The following EYS variants were observed in gnomAD, a reference collection of about 807,000 sequenced individuals.
The protein encoded by EYS is EGF-like photoreceptor maintenance factor, also known as protein eyes shut homolog.
A neutral mutation model predicts 282.1 loss-of-function variants in EYS; 250 were observed. The observed-to-expected ratio is 0.89, with a 90% CI of 0.80 to 0.98. The LOEUF (loss-of-function observed/expected upper bound fraction) is 0.98. Ranked by LOEUF, EYS falls within the 50% of genes least tolerant of loss-of-function variation. EYS has a pLI of 0.00. For missense variants in EYS, 4,016 were observed against 3,709.0 expected (o/e 1.08, Z -2.15); for synonymous variants, 1,355 against 1,282.9 (o/e 1.06, Z -1.20).
intron 2 of EYS, among the ~76,000 whole-genome samples, chr6:65,530,184 A>C (rs1767711827): frequency 6.6e-6 from 1 of 152,176 alleles, no homozygotes; most frequent in Non-Finnish European, 1.5e-5. Context: ...ACCATTTGTC[A>C]GTCAGTAATT....
At position 65,034,885 on chromosome 6, in the gene EYS, C is replaced by T. The variant is rs369136553; in HGVS notation, c.2137+22729G>A. On this transcript the variant is annotated intron_variant, in intron 13 of 42. Transcript: ENST00000503581. ...TATGAGGCCAGCATTATTCCTTTAC[C>T]GATACCTCACAAAGAAACAACAAAA... 3.0e-4 allele frequency among the ~76,000 whole-genome samples: 46 copies of T among 152,088 alleles called. 1 individual carries two copies. The highest frequency in any genetic ancestry group is 2.4e-3 in the Admixed American group (36 of 15,250).
chr6:65,594,534 A>G (rs1392661035), intron 2 of EYS, among the ~76,000 whole-genome samples: 1 of 152,036 alleles, frequency 6.6e-6, no homozygotes, highest in African/African-American at 2.4e-5. Flanking sequence ...CTTATTTAAT[A>G]TCTCTTAGCC....
At chr6:64,882,542 A>G (rs9354185) in intron 19 of EYS, among the ~76,000 whole-genome samples, 23,508 of 151,656 alleles carry the variant, frequency 0.16, 2,155 homozygotes, top group East Asian at 0.49. Flanking sequence ...TTGACAAAAA[A>G]AAATGATTAC....
At chr6:64,422,348 C>G (rs1193370645) in intron 28 of EYS, among the ~76,000 whole-genome samples, 2 of 152,118 alleles carry the variant, frequency 1.3e-5, no homozygotes, top group Non-Finnish European at 2.9e-5. Context: ...GGGATACAGA[C>G]AAGCCAAGGG....
rs535633433 is a variant in EYS, at chr6:65,107,261, T to C, written c.2024-49534A>G. Among the ~76,000 whole-genome samples the C allele has an allele frequency of 5.9e-5, 9 of 151,666 alleles. No homozygotes were observed. In the South Asian group the frequency reaches 1.9e-3, roughly 32 times the overall value. The stretch of plus-strand genomic sequence containing the variant: ...CCTTGGGAGTCAGATAAGGCCTTTG[T>C]CTTCAGCTTCAAATCTTCAAGAGTC... On this transcript the variant is annotated intron_variant, in intron 12 of 42. Transcript: ENST00000503581.
chr6:64,513,748 G>C (rs890495587), intron 26 of EYS, among the ~76,000 whole-genome samples: 2 of 151,812 alleles, frequency 1.3e-5, no homozygotes, highest in African/African-American at 2.4e-5. Context: ...ATTATAATTA[G>C]TGTAAAATTT....
chr6:65,476,487 T>C (rs1435942883), intron 5 of EYS, among the ~76,000 whole-genome samples: 1 of 152,190 alleles, frequency 6.6e-6, no homozygotes, highest in Non-Finnish European at 1.5e-5. Context: ...TTCTCCTGAA[T>C]TGTGGCATAA....
At chr6:65,151,846 T>C (rs1410946306) in intron 12 of EYS, among the ~76,000 whole-genome samples, 1 of 151,964 alleles carries the variant, frequency 6.6e-6, no homozygotes, top group African/African-American at 2.4e-5. Flanking sequence ...CAGGAAAATA[T>C]TTCCAGTGTT....
chr6:64,080,095 G>T (rs867400077), intron 32 of EYS, among the ~76,000 whole-genome samples: 20 of 152,268 alleles, frequency 1.3e-4, no homozygotes, highest in South Asian at 6.2e-4. Context: ...TAATGGGATG[G>T]CTGGGTCAAA....
chr6:64,359,139 A>G (rs1771925552), intron 29 of EYS, among the ~76,000 whole-genome samples: 1 of 151,694 alleles, frequency 6.6e-6, no homozygotes, highest in Non-Finnish European at 1.5e-5. Context: ...TTTTCTCAAC[A>G]AGAGCATTAA....
At chr6:64,490,647 CAATAAAATGTGT>C (rs996067087) in intron 26 of EYS, among the ~76,000 whole-genome samples, 1 of 150,502 alleles carries the variant, frequency 6.6e-6, no homozygotes, top group Non-Finnish European at 1.5e-5. Flanking sequence ...CAACGCAGTG[CAATAAAATGTGT>C]AGTATTACAA....
At chr6:64,696,705 T>A (rs142595022) in intron 22 of EYS, among the ~76,000 whole-genome samples, 123 of 152,184 alleles carry the variant, frequency 8.1e-4, no homozygotes, top group African/African-American at 2.8e-3. Context: ...TTCAAAGTGC[T>A]TAAAGAAAAA....
At chr6:64,299,889 C>T (rs993437660) in intron 30 of EYS, among the ~76,000 whole-genome samples, 1 of 152,122 alleles carries the variant, frequency 6.6e-6, no homozygotes, top group Non-Finnish European at 1.5e-5. Context: ...CCATTATACA[C>T]AGAAGAGCCT....
chr6:65,199,585 T>C (rs1209256660), intron 12 of EYS, among the ~76,000 whole-genome samples: 1 of 152,126 alleles, frequency 6.6e-6, no homozygotes, highest in Non-Finnish European at 1.5e-5. Context: ...AGAGTGTCTA[T>C]CATAGCAAAT....
At chr6:64,857,078 T>C (rs578107901) in intron 19 of EYS, among the ~76,000 whole-genome samples, 71 of 152,328 alleles carry the variant, frequency 4.7e-4, no homozygotes, top group African/African-American at 1.6e-3. Flanking sequence ...AAATGATCAG[T>C]TGACTATATT....
Position 64,950,817 on chromosome 6 carries a change from ATATATATATATATATATT to A in EYS, c.2260-4921_2260-4904del, listed in dbSNP as rs1449622159. On this transcript the variant is annotated intron_variant, in intron 14 of 42. Transcript: ENST00000503581. ...CATATACATATATATATATATATAT[ATATATATATATATATATT>A]GTTGAATTGTTACAAGAACAACTGA... Among the ~76,000 whole-genome samples, 767 of 113,824 alleles carry A rather than the reference ATATATATATATATATATT, an allele frequency of 6.7e-3. 26 individuals are homozygous for A. Among genetic ancestry groups the A allele is most frequent in the African/African-American group, 0.021 (716 of 34,398 alleles). 74.7% of individuals were successfully genotyped at this position (113,824 alleles called of 152,430 possible).
chr6:65,445,984 A>T (rs1042323264), intron 5 of EYS, among the ~76,000 whole-genome samples: 1 of 151,856 alleles, frequency 6.6e-6, no homozygotes, highest in African/African-American at 2.4e-5. Flanking sequence ...ATTTGAACTA[A>T]AAGTAGTAGA....
intron 5 of EYS, among the ~76,000 whole-genome samples, chr6:65,439,829 C>G (rs1768237574): frequency 6.6e-6 from 1 of 152,018 alleles, no homozygotes; most frequent in African/African-American, 2.4e-5. Context: ...ACTCAACAAA[C>G]ATTCATAGAC....
At chr6:63,959,658 T>A (rs575229791) in intron 35 of EYS, among the ~76,000 whole-genome samples, 10 of 152,310 alleles carry the variant, frequency 6.6e-5, no homozygotes, top group Admixed American at 5.9e-4. Context: ...GTGGTACATA[T>A]ACACCATGGA....
Sources: allele counts gnomAD v4.1 joint callset (sites outside exome capture counted in the v4.1 genomes callset), GRCh38; gene constraint gnomAD v4.1.1; transcripts MANE v1.5; gene names NCBI Gene and HGNC (gene_info 2026-07-23, HGNC 2026-07-21).